Variants in CIMAP1D observed in about 807,000 individuals in gnomAD.
CIMAP1D encodes the protein protein CIMAP1D.
the CIMAP1D span, chr19:464,328 G>A: frequency 6.5e-7 from 1 of 1,541,842 alleles, no homozygotes; most frequent in Non-Finnish European, 8.7e-7. Context: ...CACCTTCTCT[G>A]GGCTGTAGGC....
chr19:463,905 G>A, the CIMAP1D span: 1 of 1,611,498 alleles, frequency 6.2e-7, no homozygotes. Context: ...GGCGGCCATG[G>A]TGCTGGCCCG....
the CIMAP1D span, among the ~76,000 whole-genome samples, chr19:475,324 G>A: frequency 2.6e-5 from 4 of 152,228 alleles, no homozygotes; most frequent in Non-Finnish European, 4.4e-5. Flanking sequence ...GCCTCTGTTG[G>A]GGGTGGTGAG....
the CIMAP1D span, among the ~76,000 whole-genome samples, chr19:483,798 C>T: frequency 7.2e-5 from 11 of 152,230 alleles, no homozygotes; most frequent in Non-Finnish European, 1.5e-4. Flanking sequence ...GGGATCAACA[C>T]TGTGTCCCCA....
At chr19:474,040 G>A in the CIMAP1D span, among the ~76,000 whole-genome samples, 2 of 151,644 alleles carry the variant, frequency 1.3e-5, no homozygotes, top group Non-Finnish European at 2.9e-5. Context: ...TGAGGCCTGA[G>A]CCTCCCAGAG....
the CIMAP1D span, among the ~76,000 whole-genome samples, chr19:464,908 AT>A: frequency 6.8e-6 from 1 of 147,156 alleles, no homozygotes; most frequent in South Asian, 2.2e-4. Context: ...GGATGGATGG[AT>A]GGATGGATGG....
At chr19:480,404 G>A in the CIMAP1D span, among the ~76,000 whole-genome samples, 2 of 152,208 alleles carry the variant, frequency 1.3e-5, no homozygotes, top group Non-Finnish European at 2.9e-5. Context: ...GGGAGAGGGC[G>A]TCACATGCTG....
the CIMAP1D span, among the ~76,000 whole-genome samples, chr19:486,163 G>C: frequency 0.011 from 1,736 of 152,324 alleles, 29 homozygotes; most frequent in African/African-American, 0.039. Context: ...TTACAGACGA[G>C]GACACCGAAG....
chr19:488,329 T>C, the CIMAP1D span, among the ~76,000 whole-genome samples: 6 of 151,824 alleles, frequency 4.0e-5, no homozygotes, highest in African/African-American at 1.4e-4. Context: ...GAGACCATCC[T>C]GGCTAACACG....
the CIMAP1D span, chr19:474,764 C>T: frequency 2.7e-6 from 4 of 1,492,510 alleles, no homozygotes; most frequent in South Asian, 3.9e-5. Flanking sequence ...CAGGCGATGG[C>T]CCCCACAGCA....
chr19:486,646 G>A, the CIMAP1D span, among the ~76,000 whole-genome samples: 1 of 151,794 alleles, frequency 6.6e-6, no homozygotes, highest in African/African-American at 2.4e-5. Flanking sequence ...CGGGAGCGGT[G>A]GCTCACGCCT....
At chr19:473,577 A>G in the CIMAP1D span, among the ~76,000 whole-genome samples, 1 of 66,664 alleles carries the variant, frequency 1.5e-5, no homozygotes. Context: ...CAGATCGGGA[A>G]ACTGAGGCCC....
chr19:488,508 C>T, the CIMAP1D span, among the ~76,000 whole-genome samples: 8 of 152,190 alleles, frequency 5.3e-5, no homozygotes, highest in Non-Finnish European at 1.0e-4. Flanking sequence ...GGCGACAGAG[C>T]GAGACTCCGT....
At chr19:468,186 C>G in the CIMAP1D span, among the ~76,000 whole-genome samples, 2 of 152,046 alleles carry the variant, frequency 1.3e-5, no homozygotes, top group Admixed American at 1.3e-4. Flanking sequence ...GGCAACACAG[C>G]AAGATCCCGT....
At chr19:474,525 G>GCCT in the CIMAP1D span, 1 of 1,233,790 alleles carries the variant, frequency 8.1e-7, no homozygotes, top group South Asian at 2.4e-5. Flanking sequence ...TGAAACTCCT[G>GCCT]CCTCCTGCTG....
the CIMAP1D span, among the ~76,000 whole-genome samples, chr19:476,354 AT>A: frequency 6.6e-6 from 1 of 151,288 alleles, no homozygotes; most frequent in South Asian, 2.1e-4. Context: ...CGCCCAGCCA[AT>A]TTTTTTGTAT....
the CIMAP1D span, among the ~76,000 whole-genome samples, chr19:491,380 T>C: frequency 1.3e-5 from 2 of 152,328 alleles, no homozygotes; most frequent in East Asian, 3.9e-4. Context: ...GGGCGGTTCA[T>C]AGACAATTTC....
the CIMAP1D span, chr19:474,597 C>A: frequency 6.7e-7 from 1 of 1,492,240 alleles, no homozygotes; most frequent in South Asian, 1.3e-5. Flanking sequence ...AAGGTCCCAC[C>A]CATCCCCCAC....
chr19:484,956 C>T, the CIMAP1D span, among the ~76,000 whole-genome samples: 1 of 152,108 alleles, frequency 6.6e-6, no homozygotes, highest in African/African-American at 2.4e-5. Context: ...GAGGCGAGCA[C>T]ACCAGCCCAG....
At chr19:472,225 G>A in the CIMAP1D span, among the ~76,000 whole-genome samples, 1 of 152,158 alleles carries the variant, frequency 6.6e-6, no homozygotes, top group East Asian at 1.9e-4. Flanking sequence ...CAGCTTGCCT[G>A]AGGTCTCACA....
Sources: gnomAD v4.1 joint callset for allele counts (sites outside exome capture counted in the v4.1 genomes callset) on GRCh38, gnomAD v4.1.1 for gene constraint, MANE v1.5 for transcripts, NCBI Gene and HGNC (gene_info 2026-07-23, HGNC 2026-07-21) for gene names.